Variants in CDH12 observed in about 807,000 individuals in gnomAD.
CDH12 encodes cadherin 12.
A neutral mutation model predicts 74.1 loss-of-function variants in CDH12; 41 were observed. The ratio of observed to expected loss-of-function variants is 0.55; its 90% CI spans 0.43 to 0.72. The LOEUF is 0.72. Among genes scored for constraint, CDH12 ranks in the 30% least tolerant of loss-of-function variants. CDH12 has a pLI of 0.00. For synonymous variants in CDH12, 399 were observed against 355.0 expected (o/e 1.12, Z -1.39); for missense variants, 945 against 977.2 (o/e 0.97, Z 0.44).
chr5:22,684,995 A>G (rs761082679), intron 1 of CDH12, among the ~76,000 whole-genome samples: 1 of 152,108 alleles, frequency 6.6e-6, no homozygotes, highest in Non-Finnish European at 1.5e-5. Context: ...TCTCCCTTTG[A>G]TAATAAAAAT....
chr5:22,056,322 C>G (rs1740742299), intron 5 of CDH12, among the ~76,000 whole-genome samples: 1 of 152,146 alleles, frequency 6.6e-6, no homozygotes, highest in Non-Finnish European at 1.5e-5. Flanking sequence ...TGTTTTCCAT[C>G]TGTGCTTTCT....
At chr5:22,654,839 C>G (rs956722561) in intron 1 of CDH12, among the ~76,000 whole-genome samples, 1 of 151,706 alleles carries the variant, frequency 6.6e-6, no homozygotes, top group Non-Finnish European at 1.5e-5. Context: ...CCATGTTGGT[C>G]AGGCTGGTCT....
At chr5:21,843,681 A>C (rs1750000161) in intron 7 of CDH12, among the ~76,000 whole-genome samples, 1 of 151,888 alleles carries the variant, frequency 6.6e-6, no homozygotes, top group Non-Finnish European at 1.5e-5. Flanking sequence ...TGCCTGGCTT[A>C]TTTTGTATTT....
intron 1 of CDH12, among the ~76,000 whole-genome samples, chr5:22,510,665 C>G (rs1736564607): frequency 6.6e-6 from 1 of 152,036 alleles, no homozygotes. Context: ...TTTAAATCAT[C>G]TCTAGATTAC....
intron 3 of CDH12, among the ~76,000 whole-genome samples, chr5:22,352,146 G>C (rs888180293): frequency 6.7e-6 from 1 of 150,120 alleles, no homozygotes; most frequent in Non-Finnish European, 1.5e-5. Flanking sequence ...TTTTAATTTG[G>C]AAACCCAGCA....
chr5:22,093,155 G>C (rs1743536317), intron 4 of CDH12, among the ~76,000 whole-genome samples: 1 of 152,174 alleles, frequency 6.6e-6, no homozygotes, highest in Non-Finnish European at 1.5e-5. Flanking sequence ...GGCTGTCGCA[G>C]CTTGGATTTC....
At chr5:22,626,180 G>A (rs1738284064) in intron 1 of CDH12, among the ~76,000 whole-genome samples, 1 of 152,144 alleles carries the variant, frequency 6.6e-6, no homozygotes, top group South Asian at 2.1e-4. Flanking sequence ...CATTGTTGCA[G>A]GCATAAGCAT....
chr5:22,062,655 C>T (rs1426044131), intron 5 of CDH12, among the ~76,000 whole-genome samples: 2 of 152,160 alleles, frequency 1.3e-5, no homozygotes, highest in Non-Finnish European at 2.9e-5. Flanking sequence ...CACTTGAATA[C>T]ACTGCAAAGG....
At chr5:22,446,829 C>T (rs1036121196) in intron 2 of CDH12, among the ~76,000 whole-genome samples, 8 of 151,926 alleles carry the variant, frequency 5.3e-5, no homozygotes, top group Non-Finnish European at 1.2e-4. Context: ...AAATTGTAAA[C>T]ATTAAATATG....
chr5:22,351,618 C>T (rs923773813), intron 3 of CDH12, among the ~76,000 whole-genome samples: 1 of 152,060 alleles, frequency 6.6e-6, no homozygotes, highest in Admixed American at 6.6e-5. Flanking sequence ...TTTGCATATT[C>T]GTGTCTCACC....
chr5:22,595,027 G>A (rs930010257), intron 1 of CDH12, among the ~76,000 whole-genome samples: 31 of 152,024 alleles, frequency 2.0e-4, no homozygotes, highest in African/African-American at 7.5e-4. Flanking sequence ...AAACAGCTTT[G>A]TTCTCCCTAA....
intron 5 of CDH12, among the ~76,000 whole-genome samples, chr5:22,074,210 G>C (rs1014657540): frequency 3.3e-5 from 5 of 152,060 alleles, no homozygotes; most frequent in African/African-American, 7.2e-5. Context: ...CAAGAAATGG[G>C]GGAAGGATTC....
intron 1 of CDH12, among the ~76,000 whole-genome samples, chr5:22,783,509 G>T (rs1212666592): frequency 6.6e-6 from 1 of 152,094 alleles, no homozygotes; most frequent in Non-Finnish European, 1.5e-5. Context: ...ATAATATTAT[G>T]AATAAAGGCT....
chr5:22,372,764 G>A (rs754561114), intron 3 of CDH12, among the ~76,000 whole-genome samples: 3 of 152,078 alleles, frequency 2.0e-5, no homozygotes, highest in Admixed American at 6.6e-5. Flanking sequence ...GTGGGCCCAC[G>A]GCTGGCACCA....
At chr5:22,754,668 G>A (rs768306874) in intron 1 of CDH12, among the ~76,000 whole-genome samples, 4 of 152,026 alleles carry the variant, frequency 2.6e-5, no homozygotes. Flanking sequence ...GGCACAAAAC[G>A]AGATGGGAAA....
chr5:22,073,094 TTAAC>T (rs1262956527), intron 5 of CDH12, among the ~76,000 whole-genome samples: 1 of 152,112 alleles, frequency 6.6e-6, no homozygotes, highest in African/African-American at 2.4e-5. Flanking sequence ...TCAATAAAGT[TTAAC>T]TTTTATAATT....
At chr5:22,479,270 G>T (rs1039486884) in intron 2 of CDH12, among the ~76,000 whole-genome samples, 4 of 152,030 alleles carry the variant, frequency 2.6e-5, no homozygotes, top group African/African-American at 9.7e-5. Flanking sequence ...CTTAATTTTG[G>T]TAACAGTTCC....
intron 10 of CDH12, among the ~76,000 whole-genome samples, chr5:21,784,258 T>C (rs955730723): frequency 1.4e-4 from 21 of 152,256 alleles, no homozygotes; most frequent in East Asian, 5.8e-4. Flanking sequence ...ACAGTAGATA[T>C]ATGGATCGGC....
At chr5:21,791,405 T>C (rs901803128) in intron 10 of CDH12, among the ~76,000 whole-genome samples, 2 of 152,108 alleles carry the variant, frequency 1.3e-5, no homozygotes, top group East Asian at 3.9e-4. Context: ...GAGTGAAACA[T>C]CGTGTTTCTG....
Sources: gnomAD v4.1 joint callset for allele counts (sites outside exome capture counted in the v4.1 genomes callset) on GRCh38, gnomAD v4.1.1 for gene constraint, MANE v1.5 for transcripts, NCBI Gene and HGNC (gene_info 2026-07-23, HGNC 2026-07-21) for gene names.